The following PDE1C variants were observed in gnomAD, a reference collection of about 807,000 sequenced individuals.
PDE1C encodes the protein dual specificity calcium/calmodulin-dependent 3',5'-cyclic nucleotide phosphodiesterase 1C.
Under a neutral mutation model 93.1 loss-of-function variants are expected in PDE1C, and 62 were observed. The ratio of observed to expected loss-of-function variants is 0.67; its 90% CI spans 0.54 to 0.82. PDE1C has a LOEUF of 0.82. PDE1C is among the 40% of genes least tolerant of loss of function. PDE1C has a pLI of 0.00. For missense variants in PDE1C, 742 were observed against 884.6 expected (o/e 0.84, Z 2.04); for synonymous variants, 325 against 310.1 (o/e 1.05, Z -0.50).
chr7:32,191,084 G>T (rs911317479), intron 2 of PDE1C, among the ~76,000 whole-genome samples: 23 of 152,268 alleles, frequency 1.5e-4, no homozygotes, highest in Non-Finnish European at 2.9e-4. Flanking sequence ...GAGCTTATGT[G>T]GTACTCTAAG....
chr7:32,030,974 T>G (rs890935444), intron 2 of PDE1C, among the ~76,000 whole-genome samples: 16 of 152,182 alleles, frequency 1.1e-4, no homozygotes, highest in Non-Finnish European at 1.9e-4. Context: ...TGATCTATTT[T>G]ACAACTACAT....
At chr7:31,704,392 G>A in the PDE1C span, among the ~76,000 whole-genome samples, 3 of 152,180 alleles carry the variant, frequency 2.0e-5, no homozygotes, top group Non-Finnish European at 2.9e-5. Flanking sequence ...GGCCCTTGGA[G>A]ACTTTGGACT....
At chr7:32,227,496 C>A (rs1316719102) in intron 1 of PDE1C, among the ~76,000 whole-genome samples, 1 of 152,152 alleles carries the variant, frequency 6.6e-6, no homozygotes, top group Admixed American at 6.5e-5. Context: ...TTGTTCACAC[C>A]TGTATTCCTA....
chr7:31,929,156 G>T (rs1803841485), intron 2 of PDE1C, among the ~76,000 whole-genome samples: 2 of 150,828 alleles, frequency 1.3e-5, no homozygotes, highest in South Asian at 4.2e-4. Flanking sequence ...TGATAAAACA[G>T]ACTTTAAACC....
chr7:32,140,796 C>T (rs1033870490), intron 3 of PDE1C, among the ~76,000 whole-genome samples: 4 of 152,180 alleles, frequency 2.6e-5, no homozygotes, highest in Non-Finnish European at 4.4e-5. Context: ...CGTGCCCACT[C>T]GAGAGTGAGG....
intron 2 of PDE1C, among the ~76,000 whole-genome samples, chr7:32,002,229 C>T (rs1392392248): frequency 6.6e-6 from 1 of 152,072 alleles, no homozygotes; most frequent in Non-Finnish European, 1.5e-5. Context: ...AATGAAGTCA[C>T]CCTAGAGGCA....
intron 2 of PDE1C, among the ~76,000 whole-genome samples, chr7:32,196,076 A>G (rs1000381287): frequency 2.0e-5 from 3 of 152,180 alleles, no homozygotes; most frequent in African/African-American, 7.2e-5. Context: ...GTGGCAGCCT[A>G]GGTTCCCCAC....
intron 6 of PDE1C, among the ~76,000 whole-genome samples, chr7:31,869,941 G>A (rs1487543245): frequency 1.3e-5 from 2 of 151,890 alleles, no homozygotes; most frequent in South Asian, 2.1e-4. Flanking sequence ...AATAAAACTA[G>A]AAATCAATAA....
At chr7:32,193,747 C>T (rs1804394846) in intron 2 of PDE1C, among the ~76,000 whole-genome samples, 1 of 152,010 alleles carries the variant, frequency 6.6e-6, no homozygotes, top group African/African-American at 2.4e-5. Flanking sequence ...TAGAAATTTG[C>T]TAGAATATTT....
At chr7:32,028,897 G>A (rs1789862126) in intron 2 of PDE1C, among the ~76,000 whole-genome samples, 1 of 151,946 alleles carries the variant, frequency 6.6e-6, no homozygotes, top group Admixed American at 6.6e-5. Flanking sequence ...GCTTCTATGA[G>A]CTTCGTTGTT....
At chr7:32,040,804 A>G (rs575581170) in intron 2 of PDE1C, among the ~76,000 whole-genome samples, 10 of 152,254 alleles carry the variant, frequency 6.6e-5, no homozygotes, top group Admixed American at 2.0e-4. Context: ...CCATGTCCCA[A>G]TGCCTATTGC....
In PDE1C at chr7:32,018,673, G is replaced by A. The variant is rs879538891; in HGVS notation, c.128+32881C>T. Among the ~76,000 whole-genome samples the A allele has an allele frequency of 2.3e-4, 35 of 152,024 alleles. 1 individual carries two copies. The highest frequency in any genetic ancestry group is 7.7e-4 in the African/African-American group (32 of 41,382). On this transcript the variant is annotated intron_variant, in intron 2 of 17. Coordinates refer to ENST00000396191, the MANE Select transcript of PDE1C (RefSeq NM_001191057.4). ...GTGTAGAGTTATGGGAGAGTAGGAG[G>A]GGAAAATAGGGAATGAGTACTAATA...
intron 3 of PDE1C, among the ~76,000 whole-genome samples, chr7:32,159,529 T>C (rs915051103): frequency 3.9e-5 from 6 of 152,146 alleles, no homozygotes; most frequent in Non-Finnish European, 5.9e-5. Flanking sequence ...AGGGGTGACA[T>C]ATGGTGTTTT....
Position 31,828,356 on chromosome 7 carries a change from C to T in PDE1C, c.1221G>A (p.Glu407=). 1 of 1,612,424 alleles carries T rather than the reference C, an allele frequency of 6.2e-7. No individual in the cohort carries two copies. Among genetic ancestry groups the T allele is most frequent in the Non-Finnish European group, 8.5e-7 (1 of 1,178,820 alleles). Residue 407 remains glutamate (E), a synonymous_variant, in exon 12 of 18, where the codon GAG becomes GAA. Transcript: ENST00000396191. ...EFFRQGDREA[E]LGLPFSPLCD... The stretch of plus-strand genomic sequence containing the variant: ...ACAGAGGAGAAAAAGGCAGCCCCAG[C>T]TCTGCTTCTCTGTCACCCTGGAAAA...
the PDE1C span, among the ~76,000 whole-genome samples, chr7:31,716,972 C>A: frequency 3.3e-5 from 5 of 152,014 alleles, no homozygotes; most frequent in South Asian, 1.0e-3. Flanking sequence ...GCAACACCAA[C>A]CAAAATTTCA....
intron 3 of PDE1C, among the ~76,000 whole-genome samples, chr7:32,161,612 AGAG>A (rs57522072): frequency 0.76 from 114,959 of 152,026 alleles, 43,575 homozygotes; most frequent in Middle Eastern, 0.89. Flanking sequence ...TCCTTTGTTT[AGAG>A]TTTAGAGAGA....
rs78352174 is a variant in PDE1C, at chr7:32,246,054, G to C, written c.86-36515C>G. ...TGCAATCAGAGCTCACTGAAGCCTC[G>C]AACTCCTGGACTCAAGCAGTCCTCA... is the stretch of plus-strand genomic sequence containing the variant. On this transcript the variant is annotated intron_variant, in intron 1 of 18. Coordinates refer to the PDE1C transcript ENST00000396193. Among the ~76,000 whole-genome samples, 20 of 144,338 alleles carry C rather than the reference G, an allele frequency of 1.4e-4. No individual in the cohort carries two copies. In the South Asian group the frequency reaches 4.4e-3, roughly 32 times the overall value. The allele number at this position is 144,338 out of a possible 152,430, so 94.7% of individuals were successfully genotyped here. A position where few individuals can be genotyped will look rare whatever the true frequency, so the allele number is the denominator to read the frequency against.
At chr7:31,926,343 G>A (rs1217483733) in intron 2 of PDE1C, among the ~76,000 whole-genome samples, 1 of 152,198 alleles carries the variant, frequency 6.6e-6, no homozygotes, top group Non-Finnish European at 1.5e-5. Flanking sequence ...TGAAGCATGT[G>A]ACAGTTCCTC....
the PDE1C span, among the ~76,000 whole-genome samples, chr7:31,691,192 T>C: frequency 5.3e-5 from 8 of 152,208 alleles, no homozygotes; most frequent in Non-Finnish European, 1.2e-4. Context: ...GATCAGTTAA[T>C]AGCTCCATCT....
Sources: gnomAD v4.1 joint callset for allele counts (sites outside exome capture counted in the v4.1 genomes callset) on GRCh38, gnomAD v4.1.1 for gene constraint, MANE v1.5 for transcripts, NCBI Gene and HGNC (gene_info 2026-07-23, HGNC 2026-07-21) for gene names.